The following MOB3B variants were observed in gnomAD, a reference collection of about 807,000 sequenced individuals.
The protein encoded by MOB3B is MOB kinase activator-like 2B.
A neutral mutation model predicts 18.7 loss-of-function variants in MOB3B; 7 were observed. The ratio of observed to expected loss-of-function variants is 0.37; its 90% CI spans 0.21 to 0.70. MOB3B has a LOEUF of 0.70. Among genes scored for constraint, MOB3B ranks in the 30% least tolerant of loss-of-function variants. The pLI is 0.52. For synonymous variants in MOB3B, 111 were observed against 99.9 expected (o/e 1.11, Z -0.66); for missense variants, 253 against 281.3 (o/e 0.90, Z 0.72).
intron 2 of MOB3B, among the ~76,000 whole-genome samples, chr9:27,395,735 C>T (rs1007695792): frequency 3.3e-5 from 5 of 152,180 alleles, no homozygotes; most frequent in South Asian, 2.1e-4. Context: ...CAACACAGAA[C>T]GGTAGCAAGA....
intron 1 of MOB3B, among the ~76,000 whole-genome samples, chr9:27,464,665 T>G (rs1819348737): frequency 6.6e-6 from 1 of 152,190 alleles, no homozygotes; most frequent in Non-Finnish European, 1.5e-5. Context: ...ATGCTGCTGA[T>G]AAAGACATAC....
chr9:27,461,326 T>G lies in MOB3B; in HGVS notation c.-198-5578A>C, dbSNP rs1049713596. On this transcript the variant is annotated intron_variant, in intron 1 of 3. Coordinates refer to ENST00000262244, the MANE Select transcript of MOB3B (RefSeq NM_024761.5). Reference sequence around the variant, plus strand: ...TAAGATGCAATTCCATCAGCCCTTATGCACTGTTTACCTTATGCCTACTTA... The same window carrying G: ...TAAGATGCAATTCCATCAGCCCTTAGGCACTGTTTACCTTATGCCTACTTA... Among the ~76,000 whole-genome samples, 3 of 152,360 alleles carry G rather than the reference T, an allele frequency of 2.0e-5. No individual in the cohort carries two copies. In the East Asian group the frequency reaches 5.8e-4, roughly 29 times the overall value.
chr9:27,461,981 T>A (rs555437335), intron 1 of MOB3B, among the ~76,000 whole-genome samples: 2 of 152,282 alleles, frequency 1.3e-5, no homozygotes, highest in African/African-American at 4.8e-5. Context: ...TTTTAAAAAA[T>A]GTTTTCTGAA....
chr9:27,365,914 C>G (rs771259389), intron 2 of MOB3B, among the ~76,000 whole-genome samples: 1 of 152,184 alleles, frequency 6.6e-6, no homozygotes, highest in Non-Finnish European at 1.5e-5. Context: ...TGGAGTGCGC[C>G]GAGGCAACAT....
At chr9:27,403,010 A>G (rs1413801664) in intron 2 of MOB3B, among the ~76,000 whole-genome samples, 1 of 152,206 alleles carries the variant, frequency 6.6e-6, no homozygotes. Context: ...ATCTCTCACC[A>G]AACATTCAAC....
chr9:27,345,027 C>T (rs1305823989), intron 3 of MOB3B, among the ~76,000 whole-genome samples: 1 of 152,242 alleles, frequency 6.6e-6, no homozygotes, highest in Non-Finnish European at 1.5e-5. Context: ...TCTCTTGGTG[C>T]CCACAGCAAT....
At chr9:27,342,500 C>G (rs896334021) in intron 3 of MOB3B, among the ~76,000 whole-genome samples, 9 of 151,882 alleles carry the variant, frequency 5.9e-5, no homozygotes, top group African/African-American at 2.2e-4. Flanking sequence ...CCCTCTGATG[C>G]CACCAAAGTT....
chr9:27,447,978 G>A (rs1325757493), intron 2 of MOB3B, among the ~76,000 whole-genome samples: 1 of 152,146 alleles, frequency 6.6e-6, no homozygotes, highest in Non-Finnish European at 1.5e-5. Flanking sequence ...GCCCAGTAGA[G>A]TTTGCATCAG....
At chr9:27,403,590 T>C (rs1052723766) in intron 2 of MOB3B, among the ~76,000 whole-genome samples, 1 of 135,664 alleles carries the variant, frequency 7.4e-6, no homozygotes, top group Non-Finnish European at 1.5e-5. Flanking sequence ...TAGAGCGCAA[T>C]GGTGCAATCT....
rs916295043 is a variant in MOB3B at position 27,328,369 on chromosome 9, G to A, written c.*2218C>T. 2 of 150,842 alleles carry A rather than the reference G, an allele frequency of 1.3e-5. No individual in the cohort carries two copies. The highest frequency in any genetic ancestry group is 2.9e-5 in the Non-Finnish European group (2 of 67,860). The allele number at this position is 150,842 out of a possible 1,614,324, so 9.3% of individuals were successfully genotyped here. On this transcript the variant is annotated 3_prime_UTR_variant, in exon 4 of 4. Transcript: ENST00000262244. ...TTCAGAATGTGCCAAAGTTCTGTGG[G>A]AACAGGAATATTCTGTGATTAAAAA...
chr9:27,444,703 G>A (rs973060190), intron 2 of MOB3B, among the ~76,000 whole-genome samples: 4 of 152,066 alleles, frequency 2.6e-5, no homozygotes, highest in Non-Finnish European at 5.9e-5. Context: ...TTCTAAACCT[G>A]GATCAACCAC....
chr9:27,330,248 A>G lies in MOB3B; in HGVS notation c.*339T>C, dbSNP rs1820767367. 1 of 220,622 alleles carries G rather than the reference A, an allele frequency of 4.5e-6. No individual in the cohort carries two copies. The highest frequency in any genetic ancestry group is 9.4e-5 in the East Asian group (1 of 10,616). The allele number at this position is 220,622 out of a possible 1,614,324, so 13.7% of individuals were successfully genotyped here. ...ACACGCATCTCAGTCTCAAAACCTG[A>G]ATTCCAGTAAAGCTTAGGCGGCAGG... On this transcript the variant is annotated 3_prime_UTR_variant, in exon 4 of 4. Coordinates refer to ENST00000262244, the MANE Select transcript of MOB3B (RefSeq NM_024761.5).
At chr9:27,446,767 T>C (rs1281660487) in intron 2 of MOB3B, among the ~76,000 whole-genome samples, 1 of 152,138 alleles carries the variant, frequency 6.6e-6, no homozygotes, top group Non-Finnish European at 1.5e-5. Context: ...CAGGTACCTG[T>C]ATATGCATTT....
intron 1 of MOB3B, among the ~76,000 whole-genome samples, chr9:27,473,919 G>A (rs1356652626): frequency 6.6e-6 from 1 of 152,150 alleles, no homozygotes; most frequent in Non-Finnish European, 1.5e-5. Context: ...GTTTGGTTAT[G>A]AGGGCTCTAC....
intron 2 of MOB3B, among the ~76,000 whole-genome samples, chr9:27,426,566 G>C (rs1822336478): frequency 6.6e-6 from 1 of 152,198 alleles, no homozygotes; most frequent in Non-Finnish European, 1.5e-5. Flanking sequence ...GCTCGCTCCA[G>C]AGCGTCATGG....
chr9:27,348,216 T>G (rs886237028), intron 3 of MOB3B, among the ~76,000 whole-genome samples: 2 of 152,158 alleles, frequency 1.3e-5, no homozygotes, highest in African/African-American at 4.8e-5. Flanking sequence ...AGACTTGTGC[T>G]GTAGGATGTA....
chr9:27,425,404 C>CAAA (rs1162842248), intron 2 of MOB3B, among the ~76,000 whole-genome samples: 3 of 147,772 alleles, frequency 2.0e-5, no homozygotes, highest in East Asian at 3.9e-4. Flanking sequence ...ACAACAACAA[C>CAAA]AAAAAAACAA....
At position 27,353,701 on chromosome 9, in the gene MOB3B, C is replaced by T. The variant is rs370059416; in HGVS notation, c.621+5333G>A. On this transcript the variant is annotated intron_variant, in intron 3 of 3. Coordinates refer to ENST00000262244, the MANE Select transcript of MOB3B (RefSeq NM_024761.5). Reference sequence around the variant, plus strand: ...TCCCCACCTCACGAATCTCTGTCCTCCCCCTGCCCTAATCAGCTCTTCATT... The same window carrying T: ...TCCCCACCTCACGAATCTCTGTCCTTCCCCTGCCCTAATCAGCTCTTCATT... Among the ~76,000 whole-genome samples the T allele has an allele frequency of 7.2e-5, 11 of 152,298 alleles. No homozygotes were observed. In the South Asian group the frequency reaches 1.5e-3, roughly 20 times the overall value.
chr9:27,455,559 C>A lies in MOB3B; in HGVS notation c.-9G>T, dbSNP rs1176568911. The A allele has an allele frequency of 6.2e-7, 1 of 1,613,950 alleles. No homozygotes were observed. Among genetic ancestry groups the A allele is most frequent in the African/African-American group, 1.3e-5 (1 of 75,022 alleles). ...TTCAGGGCTATGGACATGGTCTTCT[C>A]TTTCGCTTCCTTTCTTTTGCAGGAA... On this transcript the variant is annotated 5_prime_UTR_variant, in exon 2 of 4. Transcript: ENST00000262244.
Sources: allele counts gnomAD v4.1 joint callset (sites outside exome capture counted in the v4.1 genomes callset), GRCh38; gene constraint gnomAD v4.1.1; transcripts MANE v1.5; gene names NCBI Gene and HGNC (gene_info 2026-07-23, HGNC 2026-07-21).